The following UBASH3B variants were observed in gnomAD, a reference collection of about 807,000 sequenced individuals.
UBASH3B encodes the protein ubiquitin associated and SH3 domain containing B.
Under a neutral mutation model 83.4 loss-of-function variants are expected in UBASH3B, and 37 were observed. The observed-to-expected ratio is 0.44, with a 90% CI of 0.34 to 0.58. The LOEUF (loss-of-function observed/expected upper bound fraction) is 0.58, where lower values mean the gene tolerates loss of function less well. Among genes scored for constraint, UBASH3B ranks in the 20% least tolerant of loss-of-function variants. UBASH3B has a pLI of 0.01. For missense variants in UBASH3B, 657 were observed against 827.2 expected (o/e 0.79, Z 2.52); for synonymous variants, 304 against 318.3 (o/e 0.96, Z 0.48).
At chr11:122,760,682 G>A (rs185666086) in intron 1 of UBASH3B, among the ~76,000 whole-genome samples, 1 of 152,302 alleles carries the variant, frequency 6.6e-6, no homozygotes, top group East Asian at 1.9e-4. Flanking sequence ...TTTTAAGTGT[G>A]AGAGAAGAAC....
chr11:122,792,039 C>A (rs578047476), intron 6 of UBASH3B, among the ~76,000 whole-genome samples: 16 of 152,306 alleles, frequency 1.1e-4, no homozygotes, highest in African/African-American at 3.6e-4. Context: ...GAGCAAGAAG[C>A]ATCTGACTGT....
At position 122,789,179 on chromosome 11, in the gene UBASH3B, C is replaced by T. The variant is rs932124055; in HGVS notation, c.851C>T (p.Ser284Phe). ...GTCCCCGGGGACTTCATCTTCATGTCTCCAATGGAGCAGACCAGCACCAGC... is the reference window on the plus strand; with the variant it reads ...GTCCCCGGGGACTTCATCTTCATGTTTCCAATGGAGCAGACCAGCACCAGC... ...ELVPGDFIFM[S>F]PMEQTSTSEG... The change falls in exon 6 of 14, where the codon TCT becomes TTT. Residue 284 changes from serine (S) to phenylalanine (F), a missense_variant. Physicochemically the swap from Ser to Phe is radical, Grantham distance 155. Transcript: ENST00000284273. 4.3e-6 allele frequency: 7 copies of T among 1,614,036 alleles called. No individual in the cohort carries two copies. The highest frequency in any genetic ancestry group is 1.7e-5 in the Admixed American group (1 of 60,004).
At chr11:122,809,661 G>A (rs1348502021) in intron 13 of UBASH3B, 88 bp from the exon 14 acceptor site, 2 of 1,416,476 alleles carry the variant, frequency 1.4e-6, no homozygotes, top group East Asian at 4.6e-5. Context: ...AATTCTCTAG[G>A]GCCACATGAA....
At chr11:122,695,210 C>T (rs910486491) in intron 1 of UBASH3B, among the ~76,000 whole-genome samples, 12 of 152,206 alleles carry the variant, frequency 7.9e-5, no homozygotes, top group Middle Eastern at 3.4e-3. Context: ...GTGATCCACC[C>T]GTCTTGGCCT....
At chr11:122,710,024 C>T (rs973671184) in intron 1 of UBASH3B, among the ~76,000 whole-genome samples, 11 of 151,532 alleles carry the variant, frequency 7.3e-5, no homozygotes, top group African/African-American at 2.2e-4. Flanking sequence ...GGCATGGTGG[C>T]GGGCACCTAT....
chr11:122,686,254 C>T (rs1863807244), intron 1 of UBASH3B, among the ~76,000 whole-genome samples: 1 of 152,210 alleles, frequency 6.6e-6, no homozygotes, highest in Admixed American at 6.5e-5. Context: ...CTGAGAGAAG[C>T]AGGTTTTTTC....
chr11:122,717,915 T>C (rs1317623778), intron 1 of UBASH3B, among the ~76,000 whole-genome samples: 4 of 151,502 alleles, frequency 2.6e-5, no homozygotes, highest in Non-Finnish European at 5.9e-5. Context: ...TCTTTCTTTT[T>C]TTTTTTTTCG....
chr11:122,780,471 G>A (rs189068045), intron 4 of UBASH3B, among the ~76,000 whole-genome samples: 6 of 152,208 alleles, frequency 3.9e-5, no homozygotes, highest in Non-Finnish European at 8.8e-5. Context: ...ACAATCTGGT[G>A]GGGGGAGAGC....
At chr11:122,779,807 C>T in intron 4 of UBASH3B, 112 bp downstream of exon 4, 1 of 1,301,826 alleles carries the variant, frequency 7.7e-7, no homozygotes, top group Non-Finnish European at 1.1e-6. Flanking sequence ...AGGTGGAGGA[C>T]CCTGCAGGAA....
At chr11:122,686,292 G>T (rs979983193) in intron 1 of UBASH3B, among the ~76,000 whole-genome samples, 12 of 152,344 alleles carry the variant, frequency 7.9e-5, no homozygotes, top group African/African-American at 2.9e-4. Context: ...TGTCGAGGAA[G>T]AGACAAATGG....
Position 122,794,728 on chromosome 11 carries a change from C to T in UBASH3B, c.1007C>T (p.Ser336Leu), listed in dbSNP as rs764567903. ...TCTTATTCAATCTTAAATACATCGT[C>T]ATCCAACTCTCTCACGTTTGGGGAT... ...HGSYSILNTSSSNSLTFGDGV... is the reference protein window; with the variant it reads ...HGSYSILNTSLSNSLTFGDGV... The change falls in exon 7 of 14, where the codon TCA becomes TTA. Residue 336 changes from serine (S) to leucine (L), a missense_variant. Physicochemically the swap from Ser to Leu is moderately radical, Grantham distance 145. Transcript: ENST00000284273. 1.1e-5 allele frequency: 18 copies of T among 1,614,036 alleles called. No individual in the cohort carries two copies. The Admixed American group carries it at 2.5e-4, about 22-fold the overall frequency.
intron 1 of UBASH3B, among the ~76,000 whole-genome samples, chr11:122,677,248 C>T (rs780416327): frequency 3.9e-5 from 6 of 152,176 alleles, no homozygotes; most frequent in Non-Finnish European, 8.8e-5. Flanking sequence ...TATGCAAATA[C>T]TGCACCATTT....
intron 1 of UBASH3B, among the ~76,000 whole-genome samples, chr11:122,735,989 C>T (rs1591792340): frequency 6.6e-6 from 1 of 152,178 alleles, no homozygotes; most frequent in East Asian, 1.9e-4. Context: ...TAACTGATAG[C>T]AATGTGGATG....
chr11:122,697,530 T>A (rs748566444), intron 1 of UBASH3B, among the ~76,000 whole-genome samples: 89 of 152,330 alleles, frequency 5.8e-4, no homozygotes, highest in Non-Finnish European at 7.3e-4. Flanking sequence ...ATGACCGTAC[T>A]GAAGCAAATA....
chr11:122,698,840 T>C (rs1290954611), intron 1 of UBASH3B, among the ~76,000 whole-genome samples: 1 of 152,136 alleles, frequency 6.6e-6, no homozygotes, highest in Non-Finnish European at 1.5e-5. Context: ...GCAGACCATA[T>C]ACTGGGATTT....
chr11:122,724,264 G>A (rs1283532621), intron 1 of UBASH3B, among the ~76,000 whole-genome samples: 5 of 152,186 alleles, frequency 3.3e-5, no homozygotes, highest in Non-Finnish European at 5.9e-5. Flanking sequence ...TGATGACACT[G>A]GTACCTACTT....
chr11:122,772,208 A>T (rs780439590), intron 1 of UBASH3B, among the ~76,000 whole-genome samples: 2 of 152,066 alleles, frequency 1.3e-5, no homozygotes, highest in Non-Finnish European at 2.9e-5. Flanking sequence ...CCCACTACGG[A>T]GGTGGGCCCA....
At chr11:122,753,328 G>A (rs958068441) in intron 1 of UBASH3B, among the ~76,000 whole-genome samples, 2 of 151,468 alleles carry the variant, frequency 1.3e-5, no homozygotes, top group African/African-American at 4.8e-5. Context: ...TCGTGTGCCT[G>A]TACTCCCAGC....
At chr11:122,771,245 T>C (rs1407108767) in intron 1 of UBASH3B, among the ~76,000 whole-genome samples, 3 of 151,952 alleles carry the variant, frequency 2.0e-5, no homozygotes, top group Admixed American at 2.0e-4. Context: ...TTTTTTTTTT[T>C]TTCTGAGATG....
Sources: allele counts gnomAD v4.1 joint callset (sites outside exome capture counted in the v4.1 genomes callset), GRCh38; gene constraint gnomAD v4.1.1; transcripts MANE v1.5; gene names NCBI Gene and HGNC (gene_info 2026-07-23, HGNC 2026-07-21).